The following COL22A1 variants were observed in gnomAD, a reference collection of about 807,000 sequenced individuals.
COL22A1 encodes the protein collagen alpha-1(XXII) chain.
A neutral mutation model predicts 248.9 loss-of-function variants in COL22A1; 221 were observed. The observed-to-expected ratio is 0.89, with a 90% confidence interval of 0.80 to 0.99. The LOEUF (loss-of-function observed/expected upper bound fraction) is 0.99, where lower values mean the gene tolerates loss of function less well. Ranked by LOEUF, COL22A1 falls within the 50% of genes least tolerant of loss-of-function variation. COL22A1 has a pLI of 0.00. For missense variants in COL22A1, 2,240 were observed against 2,179.0 expected (o/e 1.03, Z -0.56); for synonymous variants, 891 against 793.4 (o/e 1.12, Z -2.07).
At chr8:138,769,403 C>T (rs1004101071) in intron 16 of COL22A1, among the ~76,000 whole-genome samples, 1 of 152,216 alleles carries the variant, frequency 6.6e-6, no homozygotes, top group Non-Finnish European at 1.5e-5. Flanking sequence ...GGAATCCATG[C>T]CCTCACCCTG....
chr8:138,741,247 A>G (rs1265338539), intron 22 of COL22A1, among the ~76,000 whole-genome samples: 3 of 152,238 alleles, frequency 2.0e-5, no homozygotes, highest in African/African-American at 7.2e-5. Context: ...AGAAATGACA[A>G]CAGCTCAAAT....
chr8:138,748,231 T>G (rs1332704912), intron 22 of COL22A1, among the ~76,000 whole-genome samples: 1 of 152,228 alleles, frequency 6.6e-6, no homozygotes, highest in Non-Finnish European at 1.5e-5. Context: ...GATCTCCCTC[T>G]GTCCTCTGAA....
At chr8:138,658,159 G>C (rs1823461786) in intron 44 of COL22A1, among the ~76,000 whole-genome samples, 1 of 152,094 alleles carries the variant, frequency 6.6e-6, no homozygotes, top group South Asian at 2.1e-4. Context: ...GAAACACTTT[G>C]GGTCACTCTC....
intron 11 of COL22A1, among the ~76,000 whole-genome samples, chr8:138,802,554 G>C (rs141234047): frequency 1.1e-4 from 17 of 152,260 alleles, no homozygotes; most frequent in Non-Finnish European, 2.2e-4. Flanking sequence ...AGAGGAAAGA[G>C]CCTGTGTAAT....
intron 4 of COL22A1, among the ~76,000 whole-genome samples, chr8:138,837,174 G>A (rs1222635039): frequency 6.6e-6 from 1 of 152,208 alleles, no homozygotes; most frequent in Non-Finnish European, 1.5e-5. Flanking sequence ...GGGGACCACA[G>A]TGGGAACCTG....
In COL22A1 at chr8:138,593,990, G is replaced by C. The variant is rs1158752811; in HGVS notation, c.4615+27C>G. On this transcript the variant is annotated intron_variant, in intron 63 of 64. Coordinates refer to ENST00000303045, the MANE Select transcript of COL22A1 (RefSeq NM_152888.3). ...TCTCCGCCCTCCAGGAGTACACGGA[G>C]CATATCTCCTCCAGGTCTTCACTCA... The C allele has an allele frequency of 1.1e-5, 17 of 1,507,372 alleles. No individual in the cohort carries two copies. The Admixed American group carries it at 4.2e-4, about 37-fold the overall frequency. The allele number at this position is 1,507,372 out of a possible 1,614,324, so 93.4% of individuals were successfully genotyped here.
At position 138,641,466 on chromosome 8, in the gene COL22A1, C is replaced by T. The variant is rs551234122; in HGVS notation, c.3502-4671G>A. Among the ~76,000 whole-genome samples the T allele has an allele frequency of 2.6e-5, 4 of 152,330 alleles. No individual in the cohort carries two copies. The South Asian group carries it at 6.2e-4, about 24-fold the overall frequency. ...CATTTACGTCTAACTCTGTAGAATA[C>T]ATGCTCCCAGGGTCATTGCTGTGGT... On this transcript the variant is annotated intron_variant, in intron 47 of 64. Transcript: ENST00000303045.
chr8:138,742,829 A>T (rs961314421), intron 22 of COL22A1, among the ~76,000 whole-genome samples: 5 of 138,320 alleles, frequency 3.6e-5, no homozygotes, highest in African/African-American at 1.4e-4. Flanking sequence ...GTTGATGATG[A>T]TGGTAGTAGT....
chr8:138,699,222 C>T (rs1357644738), intron 32 of COL22A1, among the ~76,000 whole-genome samples: 1 of 152,188 alleles, frequency 6.6e-6, no homozygotes, highest in East Asian at 1.9e-4. Flanking sequence ...CATTATGCTT[C>T]CCAAGCACAA....
At chr8:138,880,362 G>C (rs1824100346) in intron 2 of COL22A1, among the ~76,000 whole-genome samples, 1 of 152,206 alleles carries the variant, frequency 6.6e-6, no homozygotes, top group Non-Finnish European at 1.5e-5. Context: ...ACGCGCGATT[G>C]TGTATGTATG....
chr8:138,692,410 T>A (rs62527928), intron 35 of COL22A1, among the ~76,000 whole-genome samples: 1 of 149,426 alleles, frequency 6.7e-6, no homozygotes. Context: ...TGTGTGTGTA[T>A]GTGTGTGTGC....
At chr8:138,737,795 G>A (rs913717462) in intron 22 of COL22A1, among the ~76,000 whole-genome samples, 1 of 152,004 alleles carries the variant, frequency 6.6e-6, no homozygotes, top group African/African-American at 2.4e-5. Flanking sequence ...TCCCAGCTCT[G>A]TAACTTAAAT....
At chr8:138,785,398 A>G (rs1258960867) in intron 12 of COL22A1, among the ~76,000 whole-genome samples, 3 of 152,196 alleles carry the variant, frequency 2.0e-5, no homozygotes, top group Non-Finnish European at 4.4e-5. Context: ...ACACATCCCT[A>G]CAACCCTAGG....
intron 38 of COL22A1, among the ~76,000 whole-genome samples, 180 bp downstream of exon 38, chr8:138,685,028 G>T (rs1826232219): frequency 6.6e-6 from 1 of 152,226 alleles, no homozygotes; most frequent in Non-Finnish European, 1.5e-5. Flanking sequence ...GCCCAGGCTG[G>T]CATGTGGCCA....
chr8:138,714,087 A>T (rs1829243466), intron 30 of COL22A1, among the ~76,000 whole-genome samples: 1 of 152,176 alleles, frequency 6.6e-6, no homozygotes, highest in Non-Finnish European at 1.5e-5. Flanking sequence ...ACTGTGATTT[A>T]AAAAGTGCAT....
intron 23 of COL22A1, among the ~76,000 whole-genome samples, chr8:138,736,413 A>C (rs1168946674): frequency 6.6e-6 from 1 of 151,992 alleles, no homozygotes; most frequent in African/African-American, 2.4e-5. Context: ...GTGATGCTGC[A>C]TTTGAAAATA....
intron 52 of COL22A1, among the ~76,000 whole-genome samples, chr8:138,622,414 T>C (rs749213170): frequency 6.6e-6 from 1 of 152,224 alleles, no homozygotes. Flanking sequence ...TTATTGCTAT[T>C]GTTATTATTG....
intron 23 of COL22A1, among the ~76,000 whole-genome samples, chr8:138,726,805 A>C (rs2131182723): frequency 6.6e-6 from 1 of 152,328 alleles, no homozygotes; most frequent in South Asian, 2.1e-4. Flanking sequence ...ATGGAGGCTG[A>C]GCCAGGACCT....
In COL22A1 at chr8:138,826,747, C is replaced by G; in HGVS notation, c.880G>C (p.Ala294Pro). 6.2e-7 allele frequency: 1 copy of G among 1,614,048 alleles called. No homozygotes were observed. Among genetic ancestry groups the G allele is most frequent in the Non-Finnish European group, 8.5e-7 (1 of 1,179,960 alleles). Residue 294 changes from alanine to proline, a missense_variant, in exon 6 of 65, where the codon GCC becomes CCC. Transcript: ENST00000303045. The stretch of plus-strand genomic sequence containing the variant: ...CTGAACCGGAAGGTTGTGACAAAGG[C>G]GTACTCATCAGGTAAACCTTGGGGG... ...VFPQGLPDEY[A>P]FVTTFRFRKT...
Sources: gnomAD v4.1 joint callset for allele counts (sites outside exome capture counted in the v4.1 genomes callset) on GRCh38, gnomAD v4.1.1 for gene constraint, MANE v1.5 for transcripts, NCBI Gene and HGNC (gene_info 2026-07-23, HGNC 2026-07-21) for gene names.